PTCD2: variants seen among roughly 807,000 people sequenced by gnomAD.
PTCD2 encodes pentatricopeptide repeat-containing protein 2, mitochondrial.
PTCD2 carries 31 observed loss-of-function variants against 42.6 expected under a neutral mutation model. The ratio of observed to expected loss-of-function variants is 0.73; its 90% CI spans 0.55 to 0.98. The LOEUF (loss-of-function observed/expected upper bound fraction) is 0.98, where lower values mean the gene tolerates loss of function less well. Ranked by LOEUF, PTCD2 falls within the 50% of genes least tolerant of loss-of-function variation. The pLI is 0.00. For missense variants in PTCD2, 476 were observed against 454.8 expected (o/e 1.05, Z -0.42); for synonymous variants, 183 against 170.9 (o/e 1.07, Z -0.55).
chr5:72,335,631 T>G (rs1751697815), intron 5 of PTCD2, 163 bp from the exon 6 acceptor site: 3 of 496,310 alleles, frequency 6.0e-6, no homozygotes, highest in Admixed American at 3.6e-5. Context: ...CTGTTTGACT[T>G]GATAGTTTAT....
intron 9 of PTCD2, among the ~76,000 whole-genome samples, chr5:72,356,230 AC>A (rs1006262272): frequency 6.6e-6 from 1 of 152,196 alleles, no homozygotes; most frequent in Non-Finnish European, 1.5e-5. Context: ...GTTGTTAACA[AC>A]CATTCCTTAG....
intron 8 of PTCD2, among the ~76,000 whole-genome samples, chr5:72,352,371 C>T (rs1752665446): frequency 1.3e-5 from 2 of 152,196 alleles, no homozygotes; most frequent in Admixed American, 6.5e-5. Context: ...TGGTCTCTAT[C>T]TCTTGACCTC....
At chr5:72,331,638 T>A (rs1751445712) in intron 4 of PTCD2, among the ~76,000 whole-genome samples, 1 of 152,178 alleles carries the variant, frequency 6.6e-6, no homozygotes, top group African/African-American at 2.4e-5. Flanking sequence ...GTACACCTGC[T>A]TTTTTAGGGG....
Position 72,352,644 on chromosome 5 carries a change from A to G in PTCD2, c.832A>G (p.Ile278Val). The change falls in exon 9 of 10, where the codon ATA (isoleucine) becomes GTA (valine). Residue 278 changes from isoleucine to valine, a missense_variant. Physicochemically the swap from Ile to Val is conservative, Grantham distance 29 (BLOSUM62 3). Transcript: ENST00000380639. ...ESIACINLNI[I>V]IHIQSNMLEN... is the part of the protein sequence containing the mutation. ...CTTGTGTCTTCTTAATATTCAGATT[A>G]TAATCCATATCCAGTCAAATATGTT... 1 of 1,479,894 alleles carries G rather than the reference A, an allele frequency of 6.8e-7. No homozygotes were observed. The highest frequency in any genetic ancestry group is 9.4e-7 in the Non-Finnish European group (1 of 1,060,496). 91.7% of individuals were successfully genotyped at this position (1,479,894 alleles called of 1,614,324 possible). A position where few individuals can be genotyped will look rare whatever the true frequency, so the allele number is the denominator to read the frequency against.
chr5:72,362,174 C>G lies in PTCD2; in HGVS notation c.*3747C>G, dbSNP rs1445629572. On this transcript the variant is annotated 3_prime_UTR_variant, in exon 10 of 10. Coordinates refer to ENST00000380639, the MANE Select transcript of PTCD2 (RefSeq NM_024754.5). ...TACACTCAGTGCAGGGTCTGAATGT[C>G]CCCCCAAACTCATATGTTGAACTCC... 2.4e-4 allele frequency: 37 copies of G among 152,134 alleles called. No individual in the cohort carries two copies. The highest frequency in any genetic ancestry group is 2.4e-3 in the Admixed American group (37 of 15,280). The allele number at this position is 152,134 out of a possible 1,614,324, so 9.4% of individuals were successfully genotyped here.
rs753290727 is a variant in PTCD2, at chr5:72,335,013, G to A, written c.469-5G>A. ...TAACCAAACTGTATTGTTCTTCTTC[G>A]TTAGCATTTACGAGGTTTCTTCTCA... On this transcript the variant is annotated splice_polypyrimidine_tract_variant and splice_region_variant and intron_variant, in intron 4 of 9. Coordinates refer to ENST00000380639, the MANE Select transcript of PTCD2 (RefSeq NM_024754.5). 2.2e-5 allele frequency: 34 copies of A among 1,570,840 alleles called. 1 individual carries two copies. In the Admixed American group the frequency reaches 3.5e-4, roughly 16 times the overall value.
chr5:72,322,143 C>T (rs749755107), intron 1 of PTCD2, 29 bp from the exon 2 acceptor site: 26 of 1,214,372 alleles, frequency 2.1e-5, no homozygotes, highest in Non-Finnish European at 3.0e-5. Context: ...GTCAAAATGA[C>T]TTTACTTTTT....
At chr5:72,346,294 C>T (rs1316425774) in intron 8 of PTCD2, among the ~76,000 whole-genome samples, 1 of 152,162 alleles carries the variant, frequency 6.6e-6, no homozygotes, top group East Asian at 1.9e-4. Flanking sequence ...CAACTATATA[C>T]ACCTGGTAAT....
intron 7 of PTCD2, among the ~76,000 whole-genome samples, chr5:72,342,261 G>A (rs1752107642): frequency 6.6e-6 from 1 of 152,052 alleles, no homozygotes; most frequent in Non-Finnish European, 1.5e-5. Flanking sequence ...TTTCTTTTAA[G>A]TCAACAGAAG....
At chr5:72,353,309 A>G (rs779308213) in intron 9 of PTCD2, among the ~76,000 whole-genome samples, 17 of 152,168 alleles carry the variant, frequency 1.1e-4, no homozygotes, top group Non-Finnish European at 2.2e-4. Flanking sequence ...GGCTATCATC[A>G]GTATCCCCTT....
chr5:72,333,863 T>G (rs1413433000), intron 4 of PTCD2, among the ~76,000 whole-genome samples: 5 of 151,732 alleles, frequency 3.3e-5, no homozygotes, highest in Admixed American at 1.3e-4. Flanking sequence ...TTTTTTGGGG[T>G]TTTTTTTGGA....
At position 72,366,588 on chromosome 5, in the gene PTCD2, A is replaced by T. The variant is rs1228327535; in HGVS notation, c.*8161A>T. 1 of 152,254 alleles carries T rather than the reference A, an allele frequency of 6.6e-6. No individual in the cohort carries two copies. The highest frequency in any genetic ancestry group is 1.5e-5 in the Non-Finnish European group (1 of 68,060). The allele number at this position is 152,254 out of a possible 1,614,324, so 9.4% of individuals were successfully genotyped here. ...GGCGTCCAGAGTCACTATTTTTAAA[A>T]GGTGCTAGTTTTCAAAAGCATTTCT... On this transcript the variant is annotated 3_prime_UTR_variant, in exon 10 of 10. Coordinates refer to ENST00000380639, the MANE Select transcript of PTCD2 (RefSeq NM_024754.5).
chr5:72,333,997 C>A (rs948464096), intron 4 of PTCD2, among the ~76,000 whole-genome samples: 84 of 152,106 alleles, frequency 5.5e-4, no homozygotes, highest in African/African-American at 1.9e-3. Context: ...AGCTAGGATT[C>A]CAGCCTTGTG....
Position 72,359,683 on chromosome 5 carries a change from G to A in PTCD2, c.*1256G>A, listed in dbSNP as rs757088258. 1 of 152,218 alleles carries A rather than the reference G, an allele frequency of 6.6e-6. No individual in the cohort carries two copies. The highest frequency in any genetic ancestry group is 1.5e-5 in the Non-Finnish European group (1 of 68,056). 9.4% of individuals were successfully genotyped at this position (152,218 alleles called of 1,614,324 possible). On this transcript the variant is annotated 3_prime_UTR_variant, in exon 10 of 10. Transcript: ENST00000380639. ...CAGTAAGAGAGTCACAGCTTCAGGT[G>A]TTTGCTGAATCCAGGTCTGAGATCA...
chr5:72,320,695 C>A, intron 1 of PTCD2, 186 bp downstream of exon 1: 2 of 693,672 alleles, frequency 2.9e-6, no homozygotes, highest in South Asian at 3.8e-5. Context: ...ACCCCCAGTG[C>A]CTGCAAATCG....
intron 8 of PTCD2, among the ~76,000 whole-genome samples, chr5:72,350,025 T>C (rs933735164): frequency 1.3e-5 from 2 of 152,178 alleles, no homozygotes; most frequent in African/African-American, 4.8e-5. Context: ...TTTTTGTAAA[T>C]TGCTGGGGGA....
chr5:72,364,130 A>AT lies in PTCD2; in HGVS notation c.*5705dup, dbSNP rs1753149881. On this transcript the variant is annotated 3_prime_UTR_variant, in exon 10 of 10. Transcript: ENST00000380639. ...CATAGAAAATGAATCAAGGAATTAC[A>AT]TTGGCTTAAATGGCATTAGCTCAAA... is the stretch of plus-strand genomic sequence containing the variant. 2 of 152,270 alleles carry AT rather than the reference A, an allele frequency of 1.3e-5. No homozygotes were observed. Among genetic ancestry groups the AT allele is most frequent in the South Asian group, 4.1e-4 (2 of 4,834 alleles). 9.4% of individuals were successfully genotyped at this position (152,270 alleles called of 1,614,324 possible).
rs1753090579 is a variant in PTCD2 at position 72,361,326 on chromosome 5, GTCA to G, written c.*2906_*2908del. The G allele has an allele frequency of 6.6e-6, 1 of 152,164 alleles. No homozygotes were observed. Among genetic ancestry groups the G allele is most frequent in the South Asian group, 2.1e-4 (1 of 4,828 alleles). The allele number at this position is 152,164 out of a possible 1,614,324, so 9.4% of individuals were successfully genotyped here. A position where few individuals can be genotyped will look rare whatever the true frequency, so the allele number is the denominator to read the frequency against. ...TTATTCGGGTTCTCATGCAGTTATA[GTCA>G]TCATCAGATTGTGGCCGCGACTGGC... is the stretch of plus-strand genomic sequence containing the variant. On this transcript the variant is annotated 3_prime_UTR_variant, in exon 10 of 10. Transcript: ENST00000380639.
At chr5:72,321,281 A>G (rs1750829731) in intron 1 of PTCD2, 1 of 152,254 alleles carries the variant, frequency 6.6e-6, no homozygotes, top group African/African-American at 2.4e-5. Flanking sequence ...GTCAGGCATT[A>G]CTTTAATGTA....
Sources: allele counts gnomAD v4.1 joint callset (sites outside exome capture counted in the v4.1 genomes callset), GRCh38; gene constraint gnomAD v4.1.1; transcripts MANE v1.5; gene names NCBI Gene and HGNC (gene_info 2026-07-23, HGNC 2026-07-21).